NBAS: variants seen among roughly 807,000 people sequenced by gnomAD.
The protein encoded by NBAS is NAG/BC035112 fusion.
Under a neutral mutation model 302.5 loss-of-function variants are expected in NBAS, and 219 were observed. The ratio of observed to expected loss-of-function variants is 0.72; its 90% CI spans 0.65 to 0.81. The LOEUF (loss-of-function observed/expected upper bound fraction) is 0.81. NBAS is among the 30% of genes least tolerant of loss of function. NBAS has a pLI of 0.00. For missense variants in NBAS, 2,932 were observed against 2,841.6 expected (o/e 1.03, Z -0.72); for synonymous variants, 1,118 against 1,021.6 (o/e 1.09, Z -1.80).
the NBAS span, among the ~76,000 whole-genome samples, chr2:15,089,380 G>T: frequency 2.0e-5 from 3 of 152,140 alleles, no homozygotes; most frequent in African/African-American, 7.2e-5. Context: ...CCAAAATCAT[G>T]AAATCTGAGA....
intron 9 of NBAS, among the ~76,000 whole-genome samples, chr2:15,532,275 G>A (rs943738596): frequency 1.3e-4 from 19 of 151,898 alleles, no homozygotes; most frequent in Non-Finnish European, 1.8e-4. Context: ...GGATCACGAG[G>A]TCAGGAGATC....
the NBAS span, among the ~76,000 whole-genome samples, chr2:14,862,924 G>A: frequency 3.3e-5 from 5 of 152,200 alleles, no homozygotes; most frequent in South Asian, 6.2e-4. Context: ...GTGTTCCCTG[G>A]ATTCAGCCAA....
intron 21 of NBAS, among the ~76,000 whole-genome samples, chr2:15,445,834 G>A (rs936509636): frequency 6.6e-6 from 1 of 151,054 alleles, no homozygotes; most frequent in Admixed American, 6.6e-5. Context: ...AAACACCAAT[G>A]ACATGAGAAC....
intron 47 of NBAS, among the ~76,000 whole-genome samples, chr2:15,221,159 T>C (rs35042252): frequency 0.073 from 11,184 of 152,170 alleles, 462 homozygotes; most frequent in East Asian, 0.14. Context: ...GCAAGCTGAA[T>C]AGACAGTACA....
At chr2:15,448,517 G>A (rs1443617012) in intron 21 of NBAS, among the ~76,000 whole-genome samples, 1 of 151,910 alleles carries the variant, frequency 6.6e-6, no homozygotes, top group Admixed American at 6.6e-5. Context: ...CCCTGTTTCT[G>A]ATGGAATGCA....
rs1553333170 is a variant in NBAS, at chr2:15,528,878, A to ATATATAT, written c.746+5664_746+5665insATATATA. Reference sequence around the variant, plus strand: ...TGAGACTCCATCTCAAAAAAAAAAAAATATATATATATATATATATGTGTG... The same window carrying ATATATAT: ...TGAGACTCCATCTCAAAAAAAAAAAATATATATATATATATATATATATATATGTGTG... On this transcript the variant is annotated intron_variant, in intron 9 of 51. Transcript: ENST00000281513. 1.6e-5 allele frequency among the ~76,000 whole-genome samples: 2 copies of ATATATAT among 121,546 alleles called. 1 individual carries two copies. The highest frequency in any genetic ancestry group is 4.9e-4 in the South Asian group (2 of 4,062). The allele number at this position is 121,546 out of a possible 152,430, so 79.7% of individuals were successfully genotyped here.
Position 15,234,764 on chromosome 2 carries a change from A to G in NBAS, c.5944-17T>C. On this transcript the variant is annotated splice_polypyrimidine_tract_variant and intron_variant, in intron 45 of 51. Coordinates refer to ENST00000281513, the MANE Select transcript of NBAS (RefSeq NM_015909.4). ...CAGTGTTTCCTGTAAAGACATGGTA[A>G]TCAGCACTTAAGTATCAAATAGAAA... The G allele has an allele frequency of 6.2e-7, 1 of 1,610,268 alleles. No homozygotes were observed. The highest frequency in any genetic ancestry group is 8.5e-7 in the Non-Finnish European group (1 of 1,176,496).
the NBAS span, among the ~76,000 whole-genome samples, chr2:15,143,188 C>A: frequency 2.0e-5 from 3 of 152,194 alleles, no homozygotes; most frequent in Non-Finnish European, 4.4e-5. Flanking sequence ...CCCCTTTCTA[C>A]AATTCTTTAT....
At chr2:14,999,997 G>A in the NBAS span, among the ~76,000 whole-genome samples, 1 of 152,248 alleles carries the variant, frequency 6.6e-6, no homozygotes, top group Non-Finnish European at 1.5e-5. Context: ...CATGTAAGTT[G>A]GTTTTATTGA....
intron 48 of NBAS, among the ~76,000 whole-genome samples, chr2:15,205,960 G>T (rs114085649): frequency 5.9e-5 from 9 of 152,104 alleles, no homozygotes; most frequent in African/African-American, 1.9e-4. Context: ...AATCAGTACC[G>T]AGATAGTGGG....
Position 15,558,626 on chromosome 2 carries a change from G to C in NBAS, c.126C>G (p.Gly42=). Residue 42 remains glycine, a synonymous_variant, in exon 2 of 52, where the codon GGC becomes GGG. Transcript: ENST00000281513. The stretch of plus-strand genomic sequence containing the variant: ...TAAAGGATGCACCATGTTTTTGGTT[G>C]CCTCTAGGCTGGAATTTAAAACAAA... ...WPPETEVQPR[G]NQKHGASFII... is the part of the protein sequence containing the mutation. 1.2e-6 allele frequency: 2 copies of C among 1,612,428 alleles called. No homozygotes were observed. Among genetic ancestry groups the C allele is most frequent in the Non-Finnish European group, 1.7e-6 (2 of 1,179,104 alleles).
chr2:15,032,089 C>T, the NBAS span, among the ~76,000 whole-genome samples: 1 of 152,150 alleles, frequency 6.6e-6, no homozygotes, highest in South Asian at 2.1e-4. Context: ...CTCTAAAATC[C>T]CCAGGGGTTA....
chr2:15,167,190 C>T lies in NBAS; in HGVS notation c.6974G>A (p.Trp2325Ter), dbSNP rs1664064294. 6.2e-7 allele frequency: 1 copy of T among 1,614,138 alleles called. No individual in the cohort carries two copies. The highest frequency in any genetic ancestry group is 1.3e-5 in the African/African-American group (1 of 74,944). ...HLLASLQQGR[W>*]DAEELGRHLR... The stretch of plus-strand genomic sequence containing the variant: ...GTGTCTGCCCAGCTCCTCTGCATCC[C>T]AGCGCCCTTGCTGGAGGCTAGCCAA... The change falls in exon 52 of 52, where the codon TGG becomes TAG. Residue 2325 changes from tryptophan (W) to a stop codon, truncating the protein, a stop_gained. Coordinates refer to ENST00000281513, the MANE Select transcript of NBAS (RefSeq NM_015909.4). LOFTEE classifies it low-confidence loss of function (END_TRUNC).
chr2:15,301,382 A>G (rs1670787735), intron 40 of NBAS, among the ~76,000 whole-genome samples: 1 of 152,228 alleles, frequency 6.6e-6, no homozygotes. Flanking sequence ...AAGGTACTTT[A>G]AGACAGCTGT....
the NBAS span, among the ~76,000 whole-genome samples, chr2:15,035,460 T>C: frequency 3.4e-3 from 521 of 152,234 alleles, 1 homozygote; most frequent in Non-Finnish European, 5.8e-3. Flanking sequence ...GAACCAGAAA[T>C]GCCATTTGAC....
chr2:14,847,655 T>C, the NBAS span, among the ~76,000 whole-genome samples: 1 of 152,120 alleles, frequency 6.6e-6, no homozygotes, highest in Non-Finnish European at 1.5e-5. Context: ...TTATTAGGGC[T>C]AAGGAGATAG....
Position 15,394,252 on chromosome 2 carries a change from T to G in NBAS, c.3232A>C (p.Arg1078=), listed in dbSNP as rs563143108. ...TTCCGGCCAGTGTGCCTCGTCAATC[T>G]AACCATCAGCTTGCGTGCCTCTTCT... ...SSEEARKLMV[R]LTRHTGRKQP... is the part of the protein sequence containing the mutation. Residue 1078 remains arginine (R), a synonymous_variant, in exon 28 of 52, where the codon AGA becomes CGA. Transcript: ENST00000281513. 13 of 1,611,708 alleles carry G rather than the reference T, an allele frequency of 8.1e-6. No homozygotes were observed. The South Asian group carries it at 1.4e-4, about 18-fold the overall frequency.
chr2:15,403,039 C>T (rs1054697587), intron 25 of NBAS, among the ~76,000 whole-genome samples: 4 of 149,802 alleles, frequency 2.7e-5, no homozygotes, highest in African/African-American at 9.9e-5. Context: ...ATAAATACAG[C>T]AAAAAATCAT....
At chr2:15,334,256 C>A (rs1422199567) in intron 35 of NBAS, among the ~76,000 whole-genome samples, 3 of 151,606 alleles carry the variant, frequency 2.0e-5, no homozygotes, top group Non-Finnish European at 4.4e-5. Flanking sequence ...GTGGCACAAT[C>A]TCGGCTCACT....
Sources: allele counts gnomAD v4.1 joint callset (sites outside exome capture counted in the v4.1 genomes callset), GRCh38; gene constraint gnomAD v4.1.1; transcripts MANE v1.5; gene names NCBI Gene and HGNC (gene_info 2026-07-23, HGNC 2026-07-21).